Variants in RNF220 observed in about 807,000 individuals in gnomAD.
RNF220 encodes E3 ubiquitin-protein ligase RNF220.
A neutral mutation model predicts 67.1 loss-of-function variants in RNF220; 7 were observed. That is an observed-to-expected ratio of 0.10 (90% CI 0.06 to 0.20). The LOEUF (loss-of-function observed/expected upper bound fraction) is 0.20. Ranked by LOEUF, RNF220 falls within the 10% of genes least tolerant of loss-of-function variation. The probability of loss-of-function intolerance (pLI) is 1.00; values close to 1 mark genes in which losing one functional copy is unlikely to be tolerated. For missense variants in RNF220, 565 were observed against 740.3 expected, an observed-to-expected ratio of 0.76 and a Z score of 2.75; for synonymous variants, 270 against 283.2, an observed-to-expected ratio of 0.95 and a Z score of 0.47.
At chr1:44,532,005 C>T (rs1035613720) in intron 2 of RNF220, among the ~76,000 whole-genome samples, 2 of 152,158 alleles carry the variant, frequency 1.3e-5, no homozygotes, top group Non-Finnish European at 2.9e-5. Context: ...GAGTCTCACT[C>T]CCCCTTCTAC....
chr1:44,511,736 T>G (rs1659011288), intron 2 of RNF220, among the ~76,000 whole-genome samples: 1 of 152,060 alleles, frequency 6.6e-6, no homozygotes, highest in African/African-American at 2.4e-5. Flanking sequence ...TGGAAAATCA[T>G]AGAAAGTAAA....
At position 44,445,951 on chromosome 1, in the gene RNF220, A is replaced by G. The variant is rs13376251; in HGVS notation, c.625+33229A>G. On this transcript the variant is annotated intron_variant, in intron 2 of 14. Coordinates refer to ENST00000361799, the MANE Select transcript of RNF220 (RefSeq NM_018150.4). Reference sequence around the variant, plus strand: ...GATATGATAAATAGTAGTAATTGTTATTAATGTTATTACTGGTATTGGGTA... The same window carrying G: ...GATATGATAAATAGTAGTAATTGTTGTTAATGTTATTACTGGTATTGGGTA... Among the ~76,000 whole-genome samples, 667 of 152,338 alleles carry G rather than the reference A, an allele frequency of 4.4e-3. 2 individuals carry two copies. Among genetic ancestry groups the G allele is most frequent in the African/African-American group, 0.015 (642 of 41,584 alleles).
At chr1:44,458,666 T>C (rs1199978563) in intron 2 of RNF220, among the ~76,000 whole-genome samples, 1 of 152,246 alleles carries the variant, frequency 6.6e-6, no homozygotes, top group Non-Finnish European at 1.5e-5. Flanking sequence ...TTAGTGTTCT[T>C]AGAAACAACA....
intron 2 of RNF220, among the ~76,000 whole-genome samples, chr1:44,574,208 A>G (rs999637723): frequency 1.3e-5 from 2 of 152,134 alleles, no homozygotes; most frequent in Non-Finnish European, 2.9e-5. Context: ...TAATACTCAC[A>G]TTTCCCCAGC....
chr1:44,606,606 CTTG>C lies in RNF220; in HGVS notation c.626-7556_626-7554del, dbSNP rs988966653. Among the ~76,000 whole-genome samples the C allele has an allele frequency of 6.6e-5, 10 of 152,170 alleles. No homozygotes were observed. Among genetic ancestry groups the C allele is most frequent in the African/African-American group, 2.4e-4 (10 of 41,430 alleles). ...TTGGCTTCAATGACATCACACTTTC[CTTG>C]TTTTCATTCTACCTCTTGGCTGTTC... On this transcript the variant is annotated intron_variant, in intron 2 of 14. Transcript: ENST00000361799. The surrounding 1 kb of genome is among the most constrained non-coding windows in gnomAD (Gnocchi z 4.2).
chr1:44,629,731 G>A (rs975253415), intron 5 of RNF220, among the ~76,000 whole-genome samples: 4 of 152,152 alleles, frequency 2.6e-5, no homozygotes, highest in African/African-American at 9.7e-5. Flanking sequence ...GGATACTACA[G>A]TAGAAGGAGG....
chr1:44,470,358 C>T (rs1402153049), intron 2 of RNF220, among the ~76,000 whole-genome samples: 3 of 152,158 alleles, frequency 2.0e-5, no homozygotes, highest in Non-Finnish European at 4.4e-5. Flanking sequence ...AACATGCCAG[C>T]TTTGAGATGC....
intron 2 of RNF220, among the ~76,000 whole-genome samples, chr1:44,445,864 T>C (rs373412040): frequency 6.6e-6 from 1 of 152,214 alleles, no homozygotes. Context: ...CCCTTGAAGG[T>C]AGAGGAATTG....
At chr1:44,568,947 C>T (rs1351318245) in intron 2 of RNF220, among the ~76,000 whole-genome samples, 1 of 152,184 alleles carries the variant, frequency 6.6e-6, no homozygotes, top group African/African-American at 2.4e-5. Context: ...AAAGGAGCCT[C>T]GCTTTGGTCT....
rs544001079 is a variant in RNF220, at chr1:44,650,505, C to T, written c.1630-199C>T. On this transcript the variant is annotated intron_variant, in intron 14 of 14. Coordinates refer to ENST00000361799, the MANE Select transcript of RNF220 (RefSeq NM_018150.4). The surrounding 1 kb of genome is among the most constrained non-coding windows in gnomAD (Gnocchi z 4.3). Reference sequence around the variant, plus strand: ...GGCTCCTGCTGCGGGGCTGGCCAGGCGGTTTGATCCTGGCGTCCCCCCAAC... The same window carrying T: ...GGCTCCTGCTGCGGGGCTGGCCAGGTGGTTTGATCCTGGCGTCCCCCCAAC... The T allele has an allele frequency of 5.3e-5, 32 of 601,340 alleles. No individual in the cohort carries two copies. Among genetic ancestry groups the T allele is most frequent in the Middle Eastern group, 4.5e-4 (1 of 2,228 alleles). 37.3% of individuals were successfully genotyped at this position (601,340 alleles called of 1,614,324 possible). A position where few individuals can be genotyped will look rare whatever the true frequency, so the allele number is the denominator to read the frequency against.
chr1:44,529,627 G>T lies in RNF220; in HGVS notation c.626-84538G>T, dbSNP rs3012026. The stretch of plus-strand genomic sequence containing the variant: ...CTGGCCTCAAGTAATCCACCTGCCT[G>T]GGCCTCCCAAAGTGCTGGGATTACA... On this transcript the variant is annotated intron_variant, in intron 2 of 14. Transcript: ENST00000361799. Among the ~76,000 whole-genome samples, 5 of 152,258 alleles carry T rather than the reference G, an allele frequency of 3.3e-5. No homozygotes were observed. The East Asian group carries it at 9.6e-4, about 29-fold the overall frequency.
chr1:44,494,234 AC>A (rs1172741656), intron 2 of RNF220, among the ~76,000 whole-genome samples: 1 of 148,188 alleles, frequency 6.7e-6, no homozygotes, highest in Non-Finnish European at 1.5e-5. Flanking sequence ...AATCATGAGG[AC>A]TTGAACTGGA....
At chr1:44,430,776 A>G (rs1187630314) in intron 2 of RNF220, among the ~76,000 whole-genome samples, 3 of 152,188 alleles carry the variant, frequency 2.0e-5, no homozygotes, top group Non-Finnish European at 4.4e-5. Context: ...TGAACTCCTG[A>G]TGTCGTGATC....
At chr1:44,636,514 TGATA>T in intron 8 of RNF220, 1 of 702,832 alleles carries the variant, frequency 1.4e-6, no homozygotes, top group South Asian at 1.5e-5. Flanking sequence ...CTCTTAAGGC[TGATA>T]AATGAGAATC....
intron 3 of RNF220, among the ~76,000 whole-genome samples, chr1:44,617,991 C>A (rs1335853384): frequency 6.6e-6 from 1 of 152,200 alleles, no homozygotes; most frequent in Admixed American, 6.5e-5. Context: ...CTTTGCCCTC[C>A]CTGGCCTTCT....
chr1:44,427,330 A>G (rs546577255), intron 2 of RNF220, among the ~76,000 whole-genome samples: 2 of 152,326 alleles, frequency 1.3e-5, no homozygotes, highest in East Asian at 3.9e-4. Flanking sequence ...TGTGTGCCAG[A>G]CACTGTTCTG....
At position 44,645,462 on chromosome 1, in the gene RNF220, G is replaced by A. The variant is rs1169136168; in HGVS notation, c.1419G>A (p.Lys473=). 4 of 1,614,004 alleles carry A rather than the reference G, an allele frequency of 2.5e-6. No individual in the cohort carries two copies. The East Asian group carries it at 6.7e-5, about 27-fold the overall frequency. Residue 473 remains lysine (K), a synonymous_variant, in exon 12 of 15, where the codon AAG becomes AAA. Coordinates refer to ENST00000361799, the MANE Select transcript of RNF220 (RefSeq NM_018150.4). The surrounding 1 kb of genome is among the most constrained non-coding windows in gnomAD (Gnocchi z 5.0). Reference sequence around the variant, plus strand: ...GCAGCAAGCAGGAGGCCATGCAGAAGACCTGCAAGAACAGCGACATCGAGA... The same window carrying A: ...GCAGCAAGCAGGAGGCCATGCAGAAAACCTGCAAGAACAGCGACATCGAGA... The part of the protein sequence containing the change: ...GESSKQEAMQ[K]TCKNSDIEKI...
Position 44,547,273 on chromosome 1 carries a change from C to T in RNF220, c.626-66892C>T, listed in dbSNP as rs1662241252. 2.0e-5 allele frequency among the ~76,000 whole-genome samples: 3 copies of T among 152,196 alleles called. No individual in the cohort carries two copies. The South Asian group carries it at 6.2e-4, about 32-fold the overall frequency. ...CCTTGAGCTTCTGTCCCCTTCACTG[C>T]CTCACTGCTCAAAGGCTTTTTTATA... On this transcript the variant is annotated intron_variant, in intron 2 of 14. Coordinates refer to ENST00000361799, the MANE Select transcript of RNF220 (RefSeq NM_018150.4).
intron 2 of RNF220, among the ~76,000 whole-genome samples, chr1:44,470,954 C>T (rs571012668): frequency 4.0e-4 from 61 of 152,106 alleles, no homozygotes; most frequent in Admixed American, 1.8e-3. Flanking sequence ...ATTCCCAACC[C>T]ACTGGACTTC....
Sources: gnomAD v4.1 joint callset for allele counts (sites outside exome capture counted in the v4.1 genomes callset) on GRCh38, gnomAD v4.1.1 for gene constraint, Gnocchi (gnomAD v3.1) non-coding constraint, MANE v1.5 for transcripts, NCBI Gene and HGNC (gene_info 2026-07-23, HGNC 2026-07-21) for gene names.